SDC1: variants seen among roughly 807,000 people sequenced by gnomAD.
The protein encoded by SDC1 is syndecan-1.
In SDC1, 14 loss-of-function variants were observed where a neutral mutation model predicts 29.7. The ratio of observed to expected loss-of-function variants is 0.47; its 90% CI spans 0.31 to 0.74. The LOEUF is 0.74. Among genes scored for constraint, SDC1 ranks in the 30% least tolerant of loss-of-function variants. The pLI, the probability that SDC1 is intolerant of heterozygous loss-of-function variation, is 0.05. For missense variants in SDC1, 406 were observed against 400.3 expected, an observed-to-expected ratio of 1.01 and a Z score of -0.12; for synonymous variants, 204 against 175.5, an observed-to-expected ratio of 1.16 and a Z score of -1.29.
At chr2:20,205,483 G>T in intron 1 of SDC1, 59 bp from the exon 2 acceptor site, 3 of 1,420,104 alleles carry the variant, frequency 2.1e-6, no homozygotes, top group Non-Finnish European at 2.0e-6. Flanking sequence ...TGCTGCTCCT[G>T]GGTCCTCTCC....
rs371671909 is a variant in SDC1, at chr2:20,203,800, A to G, written c.627+13T>C. ...ACCCACTCAATTTCCCAAGGAATGC[A>G]GAGGCCACTCACCTGCTCCCCAGAG... On this transcript the variant is annotated intron_variant, in intron 3 of 4. Coordinates refer to ENST00000254351, the MANE Select transcript of SDC1 (RefSeq NM_002997.5). 1 of 1,547,608 alleles carries G rather than the reference A, an allele frequency of 6.5e-7. No homozygotes were observed. Among genetic ancestry groups the G allele is most frequent in the Non-Finnish European group, 8.7e-7 (1 of 1,144,200 alleles).
At chr2:20,205,556 A>G (rs1052088202) in intron 1 of SDC1, 132 bp from the exon 2 acceptor site, 1 of 697,358 alleles carries the variant, frequency 1.4e-6, no homozygotes, top group Non-Finnish European at 2.5e-6. Flanking sequence ...AAGCCTTCTC[A>G]TGTGGCTCCA....
At position 20,224,003 on chromosome 2, in the gene SDC1, G is replaced by T. The variant is rs145082417; in HGVS notation, c.66+799C>A. Among the ~76,000 whole-genome samples, 2,333 of 152,282 alleles carry T rather than the reference G, an allele frequency of 0.015. 24 individuals are homozygous for T. The highest frequency in any genetic ancestry group is 0.027 in the Middle Eastern group (8 of 294). On this transcript the variant is annotated intron_variant, in intron 1 of 4. Transcript: ENST00000254351. This position sits in a 1 kb window ranked among gnomAD's most constrained non-coding sequence, Gnocchi z 4.9. ...CGCGGCTTCAGCACAAAGCCGAGCC[G>T]GGGAGCGGGAGGCCATTCCCGGGTC...
chr2:20,209,416 A>T (rs1572465391), intron 1 of SDC1, among the ~76,000 whole-genome samples: 1 of 152,086 alleles, frequency 6.6e-6, no homozygotes, highest in East Asian at 1.9e-4. Flanking sequence ...AGTTGACCCA[A>T]TCAGTTTTAA....
intron 1 of SDC1, among the ~76,000 whole-genome samples, chr2:20,218,346 A>T (rs75750075): frequency 0.039 from 5,928 of 152,304 alleles, 183 homozygotes; most frequent in Non-Finnish European, 0.06. Context: ...AGAAAAGGCC[A>T]CCAGCAGAGG....
intron 1 of SDC1, among the ~76,000 whole-genome samples, chr2:20,216,030 C>CT (rs1268816140): frequency 3.3e-5 from 5 of 152,232 alleles, no homozygotes; most frequent in Admixed American, 2.6e-4. Context: ...GACAAGATCT[C>CT]TAAGAATGAA....
intron 1 of SDC1, among the ~76,000 whole-genome samples, chr2:20,209,248 GATGAGGCA>G (rs1266087650): frequency 6.6e-6 from 1 of 152,226 alleles, no homozygotes; most frequent in African/African-American, 2.4e-5. Flanking sequence ...CTCCCCTGCA[GATGAGGCA>G]GCGGGGCTGA....
At position 20,202,656 on chromosome 2, in the gene SDC1, G is replaced by A; in HGVS notation, c.*110C>T. The A allele has an allele frequency of 7.5e-6, 8 of 1,072,298 alleles. No homozygotes were observed. Among genetic ancestry groups the A allele is most frequent in the Non-Finnish European group, 1.1e-5 (8 of 732,860 alleles). 66.4% of individuals were successfully genotyped at this position (1,072,298 alleles called of 1,614,324 possible). On this transcript the variant is annotated 3_prime_UTR_variant, in exon 5 of 5. Transcript: ENST00000254351. Reference sequence around the variant, plus strand: ...CAGGAGCGACCAGAGGGGCTGGAATGCTGGGGAGGTGGCCTGGTGGCAGGG... The same window carrying A: ...CAGGAGCGACCAGAGGGGCTGGAATACTGGGGAGGTGGCCTGGTGGCAGGG...
intron 1 of SDC1, among the ~76,000 whole-genome samples, chr2:20,218,674 GACAC>G (rs540857163): frequency 6.8e-6 from 1 of 146,262 alleles, no homozygotes; most frequent in Non-Finnish European, 1.5e-5. Context: ...CGTACACACG[GACAC>G]ACACACGGAC....
Position 20,203,793 on chromosome 2 carries a change from G to A in SDC1, c.627+20C>T. 3 of 1,526,340 alleles carry A rather than the reference G, an allele frequency of 2.0e-6. No individual in the cohort carries two copies. The highest frequency in any genetic ancestry group is 2.7e-6 in the Non-Finnish European group (3 of 1,128,326). The allele number at this position is 1,526,340 out of a possible 1,614,324, so 94.5% of individuals were successfully genotyped here. ...AGGACCAACCCACTCAATTTCCCAA[G>A]GAATGCAGAGGCCACTCACCTGCTC... On this transcript the variant is annotated intron_variant, in intron 3 of 4. Coordinates refer to ENST00000254351, the MANE Select transcript of SDC1 (RefSeq NM_002997.5).
At chr2:20,207,416 C>T (rs1677312823) in intron 1 of SDC1, 2 of 984,760 alleles carry the variant, frequency 2.0e-6, no homozygotes, top group African/African-American at 3.5e-5. Context: ...GGCCCATCTA[C>T]AATAAACAGT....
At chr2:20,217,979 C>T (rs1335831699) in intron 1 of SDC1, among the ~76,000 whole-genome samples, 1 of 152,220 alleles carries the variant, frequency 6.6e-6, no homozygotes, top group Non-Finnish European at 1.5e-5. Context: ...CTGCCCTCCA[C>T]TGGCCTTGCC....
Position 20,202,539 on chromosome 2 carries a change from G to A in SDC1, c.*227C>T, listed in dbSNP as rs1395095182. On this transcript the variant is annotated 3_prime_UTR_variant, in exon 5 of 5. Transcript: ENST00000254351. The stretch of plus-strand genomic sequence containing the variant: ...GCCAGGTGCTGGCTGTGGTGGAAAG[G>A]TCCTATGCGAGAAACCCCTGGTGCC... 1.0e-5 allele frequency: 6 copies of A among 596,222 alleles called. No homozygotes were observed. Among genetic ancestry groups the A allele is most frequent in the Middle Eastern group, 4.4e-4 (1 of 2,264 alleles). 36.9% of individuals were successfully genotyped at this position (596,222 alleles called of 1,614,324 possible).
In SDC1 at chr2:20,201,297, C is replaced by G. The variant is rs950420849; in HGVS notation, c.*1469G>C. The G allele has an allele frequency of 1.3e-5, 2 of 152,218 alleles. No individual in the cohort carries two copies. 9.4% of individuals were successfully genotyped at this position (152,218 alleles called of 1,614,324 possible). A position where few individuals can be genotyped will look rare whatever the true frequency, so the allele number is the denominator to read the frequency against. On this transcript the variant is annotated 3_prime_UTR_variant, in exon 5 of 5. Coordinates refer to ENST00000254351, the MANE Select transcript of SDC1 (RefSeq NM_002997.5). ...CCTTATAAAACCTTGGCTGAACCTA[C>G]CGACCTCCAGGAGAATTTCAGCCAA... is the stretch of plus-strand genomic sequence containing the variant.
intron 1 of SDC1, among the ~76,000 whole-genome samples, chr2:20,208,517 G>A: frequency 6.6e-6 from 1 of 152,230 alleles, no homozygotes. Context: ...AGATGAGAAG[G>A]TGAGATTTCA....
chr2:20,206,459 C>T (rs558906893), intron 1 of SDC1, among the ~76,000 whole-genome samples: 3 of 152,268 alleles, frequency 2.0e-5, no homozygotes, highest in South Asian at 4.1e-4. Context: ...AAAGTCAGGA[C>T]TGCCTCTGCC....
intron 1 of SDC1, chr2:20,208,198 G>T (rs2148286252): frequency 1.2e-6 from 1 of 858,768 alleles, no homozygotes; most frequent in South Asian, 5.3e-5. Context: ...ACCGCCCAGT[G>T]AGACCCAGGA....
At chr2:20,222,546 G>A (rs1677856607) in intron 1 of SDC1, among the ~76,000 whole-genome samples, 1 of 152,086 alleles carries the variant, frequency 6.6e-6, no homozygotes, top group Non-Finnish European at 1.5e-5. Context: ...GCTCAGGTGG[G>A]GCTTTCAGGC....
chr2:20,202,994 C>T (rs998162807), intron 4 of SDC1, 59 bp from the exon 5 acceptor site: 25 of 1,571,860 alleles, frequency 1.6e-5, no homozygotes, highest in Non-Finnish European at 2.1e-5. Flanking sequence ...TGCTGCAGAC[C>T]CTCCCCAAAG....
Sources: allele counts gnomAD v4.1 joint callset (sites outside exome capture counted in the v4.1 genomes callset), GRCh38; gene constraint gnomAD v4.1.1; non-coding constraint Gnocchi (gnomAD v3.1); transcripts MANE v1.5; gene names NCBI Gene and HGNC (gene_info 2026-07-23, HGNC 2026-07-21).